Variants in TP53BP1 observed in about 807,000 individuals in gnomAD.
TP53BP1 encodes the protein tumor protein p53 binding protein 1.
Under a neutral mutation model 200.8 loss-of-function variants are expected in TP53BP1, and 61 were observed. The observed-to-expected ratio is 0.30, with a 90% confidence interval of 0.25 to 0.38. TP53BP1 has a LOEUF of 0.38. TP53BP1 is among the 10% of genes least tolerant of loss of function. TP53BP1 has a pLI of 1.00. For missense variants in TP53BP1, 2,144 were observed against 2,371.9 expected (o/e 0.90, Z 2.00); for synonymous variants, 822 against 844.3 (o/e 0.97, Z 0.46).
chr15:43,445,691 T>C (rs912971316), intron 14 of TP53BP1, among the ~76,000 whole-genome samples: 2 of 152,106 alleles, frequency 1.3e-5, no homozygotes, highest in Non-Finnish European at 2.9e-5. Context: ...TCATTCTCTC[T>C]TTTTTTCCTC....
chr15:43,442,815 CTTTTTTTTTTTTT>C (rs71111818), intron 14 of TP53BP1, among the ~76,000 whole-genome samples: 2,032 of 61,074 alleles, frequency 0.033, 25 homozygotes, highest in Non-Finnish European at 0.045. Flanking sequence ...CAGTAATATT[CTTTTTTTTTTTTT>C]TTTTTTTTTT....
chr15:43,413,212 C>T lies in TP53BP1; in HGVS notation c.5212G>A (p.Ala1738Thr), dbSNP rs764425387. The change falls in exon 24 of 28, where the codon GCA becomes ACA. Residue 1738 changes from alanine (A) to threonine (T), a missense_variant. Ala to Thr is a moderately conservative substitution (Grantham distance 58). This residue lies in a region of TP53BP1 where 334 missense variants were observed against 453.4 expected (regional missense o/e 0.74). Transcript: ENST00000382044. ...PLNKTLFLGY[A>T]FLLTMATTSD... Reference sequence around the variant, plus strand: ...GTTGTGGCCATGGTAAGGAGAAATGCGTAGCCCAGAAACAAGGTCTTGTTG... The same window carrying T: ...GTTGTGGCCATGGTAAGGAGAAATGTGTAGCCCAGAAACAAGGTCTTGTTG... 4 of 1,614,062 alleles carry T rather than the reference C, an allele frequency of 2.5e-6. No individual in the cohort carries two copies. The highest frequency in any genetic ancestry group is 1.1e-5 in the South Asian group (1 of 91,088).
chr15:43,459,166 C>T (rs549078011), intron 11 of TP53BP1, among the ~76,000 whole-genome samples: 12 of 152,106 alleles, frequency 7.9e-5, no homozygotes, highest in East Asian at 1.9e-4. Flanking sequence ...GGTGAAATCC[C>T]GCCCCTACTA....
At chr15:43,467,785 ACT>A (rs1314009975) in intron 11 of TP53BP1, among the ~76,000 whole-genome samples, 1 of 142,666 alleles carries the variant, frequency 7.0e-6, no homozygotes, top group Admixed American at 7.0e-5. Flanking sequence ...TCATTCTTAA[ACT>A]CTTTTTTTTT....
intron 16 of TP53BP1, among the ~76,000 whole-genome samples, chr15:43,436,309 A>C (rs2045797235): frequency 1.3e-5 from 2 of 152,138 alleles, no homozygotes; most frequent in South Asian, 4.1e-4. Context: ...TGATATACCT[A>C]CTGACAAAAC....
intron 24 of TP53BP1, chr15:43,412,859 C>A: frequency 3.5e-6 from 2 of 568,054 alleles, no homozygotes; most frequent in East Asian, 4.0e-5. Flanking sequence ...AACTTGTTTC[C>A]TCATCCATAA....
intron 11 of TP53BP1, among the ~76,000 whole-genome samples, chr15:43,462,200 G>C (rs1473785541): frequency 1.1e-5 from 1 of 88,400 alleles, no homozygotes; most frequent in African/African-American, 4.3e-5. Flanking sequence ...GACACGTGGA[G>C]AGCGAGACTT....
At chr15:43,493,512 A>T (rs1595632369), upstream of TP53BP1, among the ~76,000 whole-genome samples, 1 of 151,920 alleles carries the variant, frequency 6.6e-6, no homozygotes, top group East Asian at 1.9e-4. Flanking sequence ...GGAAAAGGAG[A>T]GAGTTTCCCA....
intron 11 of TP53BP1, 69 bp from the exon 12 acceptor site, chr15:43,457,287 G>A (rs575668551): frequency 3.8e-5 from 49 of 1,293,644 alleles, no homozygotes; most frequent in Middle Eastern, 2.8e-4. Context: ...TCGAATCCTT[G>A]GATTCATATA....
In TP53BP1 at chr15:43,432,598, T is replaced by C; in HGVS notation, c.3271A>G (p.Ser1091Gly). The change falls in exon 17 of 28, where the codon AGT becomes GGT. Residue 1091 changes from serine to glycine, a missense_variant. Ser to Gly is a moderately conservative substitution (Grantham distance 56, BLOSUM62 0). Coordinates refer to ENST00000382044, the MANE Select transcript of TP53BP1 (RefSeq NM_001141980.3). ...CTAATGGGCTTCATAGGCTGTTGAC[T>C]CTGCCTGATTGTATGGTCACCCTCC... is the stretch of plus-strand genomic sequence containing the variant. ...KLEGDHTIRQ[S>G]QQPMKPISPV... 1 of 1,614,132 alleles carries C rather than the reference T, an allele frequency of 6.2e-7. No homozygotes were observed. Among genetic ancestry groups the C allele is most frequent in the Non-Finnish European group, 8.5e-7 (1 of 1,179,982 alleles).
At chr15:43,502,701 T>G (rs376824758) in intron 1 of TP53BP1, among the ~76,000 whole-genome samples, 2 of 151,874 alleles carry the variant, frequency 1.3e-5, no homozygotes, top group Non-Finnish European at 2.9e-5. Flanking sequence ...CCTCATGATC[T>G]GCCCACCTTG....
chr15:43,479,654 T>C, intron 6 of TP53BP1, 128 bp from the exon 7 acceptor site: 1 of 1,196,736 alleles, frequency 8.4e-7, no homozygotes, highest in Non-Finnish European at 1.2e-6. Context: ...CAGGCATCAG[T>C]CTATAAAGGA....
rs2045373522 is a variant in TP53BP1 at position 43,420,654 on chromosome 15, G to GACA, written c.4329_4331dup (p.Val1445dup). 1 of 1,614,064 alleles carries GACA rather than the reference G, an allele frequency of 6.2e-7. No individual in the cohort carries two copies. Among genetic ancestry groups the GACA allele is most frequent in the African/African-American group, 1.3e-5 (1 of 74,912 alleles). ...TGGTGGAGTCTGGCACTCGGGGCAC[G>GACA]ACACGGCTGAAGGATTTATCATCTG... On this transcript the variant is annotated inframe_insertion, in exon 21 of 28. Transcript: ENST00000382044.
chr15:43,500,645 C>A (rs1247396636), intron 1 of TP53BP1, among the ~76,000 whole-genome samples: 2 of 151,878 alleles, frequency 1.3e-5, no homozygotes, highest in Non-Finnish European at 2.9e-5. Flanking sequence ...CATGGTGAAA[C>A]CCCATCCCTA....
At chr15:43,506,964 A>G (rs1461340581) in intron 1 of TP53BP1, among the ~76,000 whole-genome samples, 2 of 152,202 alleles carry the variant, frequency 1.3e-5, no homozygotes, top group Non-Finnish European at 1.5e-5. Flanking sequence ...CTTCATTTAC[A>G]TAGGATGTAA....
At chr15:43,416,768 T>TA in intron 21 of TP53BP1, 1 of 174,700 alleles carries the variant, frequency 5.7e-6, no homozygotes, top group Non-Finnish European at 1.2e-5. Context: ...TCTAAACATT[T>TA]CCTTCTTGGT....
chr15:43,446,410 T>G lies in TP53BP1; in HGVS notation c.3017A>C (p.Glu1006Ala). 3 of 1,614,160 alleles carry G rather than the reference T, an allele frequency of 1.9e-6. No individual in the cohort carries two copies. The highest frequency in any genetic ancestry group is 1.7e-6 in the Non-Finnish European group (2 of 1,180,026). The change falls in exon 14 of 28, where the codon GAG becomes GCG. Residue 1006 changes from glutamate to alanine, a missense_variant. By Grantham distance (107) the Glu-to-Ala change is moderately radical. Transcript: ENST00000382044. ...LVSPETEASEESLQFNLEKPA... is the reference protein window; with the variant it reads ...LVSPETEASEASLQFNLEKPA... Reference sequence around the variant, plus strand: ...ACTTTCCAGGTTGAACTGCAAAGACTCTTCACTCGCCTCAGTCTCAGGACT... The same window carrying G: ...ACTTTCCAGGTTGAACTGCAAAGACGCTTCACTCGCCTCAGTCTCAGGACT...
intron 16 of TP53BP1, among the ~76,000 whole-genome samples, chr15:43,434,031 C>A (rs1473994305): frequency 2.0e-5 from 3 of 152,136 alleles, no homozygotes; most frequent in Non-Finnish European, 4.4e-5. Context: ...CCTACCAGAA[C>A]AGGAGCTCAA....
At chr15:43,441,270 G>A in intron 15 of TP53BP1, 1 of 343,560 alleles carries the variant, frequency 2.9e-6, no homozygotes, top group East Asian at 5.0e-5. Context: ...AGAAAAAAGG[G>A]GGGAAAGGAA....
Sources: allele counts gnomAD v4.1 joint callset (sites outside exome capture counted in the v4.1 genomes callset), GRCh38; gene constraint gnomAD v4.1.1; regional missense constraint gnomAD v4.1.1; transcripts MANE v1.5; gene names NCBI Gene and HGNC (gene_info 2026-07-23, HGNC 2026-07-21).